The following TMEM244 variants were observed in gnomAD, a reference collection of about 807,000 sequenced individuals.
TMEM244 encodes transmembrane protein 244.
In TMEM244, 13 loss-of-function variants were observed where a neutral mutation model predicts 15.8. That is an observed-to-expected ratio of 0.82 (90% CI 0.53 to 1.30). The LOEUF is 1.30. Among genes scored for constraint, TMEM244 ranks in the 50% most tolerant of loss-of-function variants. TMEM244 has a pLI of 0.00. For missense variants in TMEM244, 161 were observed against 144.9 expected (o/e 1.11, Z -0.57); for synonymous variants, 45 against 48.7 (o/e 0.92, Z 0.32).
At chr6:129,839,357 G>A (rs899521549) in intron 3 of TMEM244, among the ~76,000 whole-genome samples, 1 of 152,080 alleles carries the variant, frequency 6.6e-6, no homozygotes, top group African/African-American at 2.4e-5. Flanking sequence ...ATGCAGAAAA[G>A]GCCTTCAACA....
At chr6:129,853,456 C>T (rs1292878730) in intron 1 of TMEM244, among the ~76,000 whole-genome samples, 1 of 149,558 alleles carries the variant, frequency 6.7e-6, no homozygotes, top group Admixed American at 6.7e-5. Context: ...CATTAAAAAG[C>T]TTCCACCTTT....
chr6:129,835,465 G>A (rs1183043950), intron 3 of TMEM244, among the ~76,000 whole-genome samples: 5 of 151,756 alleles, frequency 3.3e-5, no homozygotes, highest in Admixed American at 6.6e-5. Flanking sequence ...AACAGCTCTG[G>A]TTTGCAGCTC....
intron 3 of TMEM244, among the ~76,000 whole-genome samples, chr6:129,839,711 G>C (rs149881509): frequency 0.019 from 2,854 of 152,306 alleles, 45 homozygotes; most frequent in Non-Finnish European, 0.029. Context: ...TCCTTAAGCT[G>C]ATAAGCAACT....
intron 1 of TMEM244, among the ~76,000 whole-genome samples, chr6:129,846,582 GAAC>G (rs1776563571): frequency 6.6e-6 from 1 of 151,960 alleles, no homozygotes; most frequent in Admixed American, 6.6e-5. Context: ...CCATTCACTG[GAAC>G]AAACTTCCTA....
chr6:129,849,829 TG>T (rs1385029726), intron 1 of TMEM244, among the ~76,000 whole-genome samples: 2 of 152,016 alleles, frequency 1.3e-5, no homozygotes, highest in African/African-American at 4.8e-5. Flanking sequence ...CAGAGTGCTA[TG>T]TAAGCCCAAG....
At chr6:129,847,962 C>T (rs1374685231) in intron 1 of TMEM244, among the ~76,000 whole-genome samples, 8 of 151,736 alleles carry the variant, frequency 5.3e-5, no homozygotes, top group East Asian at 1.9e-4. Context: ...TTAGTAGAGT[C>T]GGGGTTTATC....
chr6:129,843,951 T>C (rs1405867141), intron 2 of TMEM244, among the ~76,000 whole-genome samples: 4 of 152,178 alleles, frequency 2.6e-5, no homozygotes, highest in African/African-American at 9.7e-5. Context: ...ACCAAACCAG[T>C]AGTTCTTCAG....
rs769214869 is a variant in TMEM244 at position 129,845,754 on chromosome 6, A to G, written c.119+13T>C. The G allele has an allele frequency of 5.1e-6, 8 of 1,579,654 alleles. No individual in the cohort carries two copies. Among genetic ancestry groups the G allele is most frequent in the South Asian group, 1.1e-5 (1 of 89,106 alleles). On this transcript the variant is annotated intron_variant, in intron 2 of 4. Transcript: ENST00000368143. ...AGCTTTTTAATTCTATTTGAAGACAATGTGCTACTTACTCAAACATCACGC... is the reference window on the plus strand; with the variant it reads ...AGCTTTTTAATTCTATTTGAAGACAGTGTGCTACTTACTCAAACATCACGC...
intron 1 of TMEM244, among the ~76,000 whole-genome samples, chr6:129,852,553 G>A (rs941009130): frequency 2.0e-5 from 3 of 152,106 alleles, no homozygotes; most frequent in South Asian, 2.1e-4. Flanking sequence ...GATGGGGCTC[G>A]CATGAAGAGA....
chr6:129,839,730 G>A (rs1408216545), intron 3 of TMEM244, among the ~76,000 whole-genome samples: 1 of 152,206 alleles, frequency 6.6e-6, no homozygotes, highest in Non-Finnish European at 1.5e-5. Context: ...CTTCAGCAAA[G>A]TCTCAGGATA....
Position 129,845,655 on chromosome 6 carries a change from TA to T in TMEM244, c.119+111del, listed in dbSNP as rs942165018. ...AAATAAAAGTAAGAAACTATGTCTT[TA>T]AAAAAATCCACATCCTCTAATCCAT... is the stretch of plus-strand genomic sequence containing the variant. On this transcript the variant is annotated intron_variant, in intron 2 of 4. Coordinates refer to ENST00000368143, the MANE Select transcript of TMEM244 (RefSeq NM_001010876.2). 6 of 848,976 alleles carry T rather than the reference TA, an allele frequency of 7.1e-6. No homozygotes were observed. In the African/African-American group the frequency reaches 8.7e-5, roughly 12 times the overall value. 52.6% of individuals were successfully genotyped at this position (848,976 alleles called of 1,614,324 possible).
At chr6:129,834,544 G>C (rs192594191) in intron 3 of TMEM244, among the ~76,000 whole-genome samples, 68 of 152,300 alleles carry the variant, frequency 4.5e-4, no homozygotes, top group Middle Eastern at 3.4e-3. Context: ...CTGTGCAGAA[G>C]TAATTTATTA....
rs760511562 is a variant in TMEM244, at chr6:129,831,273, T to C, written c.*46A>G. 1.9e-6 allele frequency: 2 copies of C among 1,064,818 alleles called. No homozygotes were observed. The highest frequency in any genetic ancestry group is 1.4e-6 in the Non-Finnish European group (1 of 698,158). The allele number at this position is 1,064,818 out of a possible 1,614,324, so 66.0% of individuals were successfully genotyped here. A position where few individuals can be genotyped will look rare whatever the true frequency, so the allele number is the denominator to read the frequency against. The stretch of plus-strand genomic sequence containing the variant: ...AAAATCTATGAGAAAATAAAATATA[T>C]TTCCACAGTTATTCTATTTAACATT... On this transcript the variant is annotated 3_prime_UTR_variant, in exon 5 of 5. Coordinates refer to ENST00000368143, the MANE Select transcript of TMEM244 (RefSeq NM_001010876.2).
intron 1 of TMEM244, among the ~76,000 whole-genome samples, chr6:129,857,962 C>T (rs1014435568): frequency 3.3e-5 from 5 of 151,700 alleles, no homozygotes; most frequent in South Asian, 2.1e-4. Flanking sequence ...GCAGTTTTAG[C>T]GTCTATGAAG....
rs147343248 is a variant in TMEM244, at chr6:129,847,244, A to G, written c.34-1392T>C. ...CCTTTTCAAAGATATCCTTATGACT[A>G]TAATAAAGGTCCCAGCATTTCACAT... is the stretch of plus-strand genomic sequence containing the variant. On this transcript the variant is annotated intron_variant, in intron 1 of 4. Transcript: ENST00000368143. Among the ~76,000 whole-genome samples the G allele has an allele frequency of 2.0e-5, 3 of 152,334 alleles. No individual in the cohort carries two copies. In the East Asian group the frequency reaches 5.8e-4, roughly 29 times the overall value.
chr6:129,836,653 A>T (rs1205901302), intron 3 of TMEM244, among the ~76,000 whole-genome samples: 2 of 152,178 alleles, frequency 1.3e-5, no homozygotes, highest in Non-Finnish European at 2.9e-5. Context: ...CTTCTAACCC[A>T]TTGCAAGGAA....
intron 1 of TMEM244, among the ~76,000 whole-genome samples, chr6:129,858,904 T>C (rs1584194544): frequency 6.6e-6 from 1 of 151,940 alleles, no homozygotes. Context: ...AGGAATTCTC[T>C]TGCCTCAGCC....
intron 3 of TMEM244, among the ~76,000 whole-genome samples, chr6:129,834,717 T>C (rs1160437064): frequency 1.3e-5 from 2 of 152,196 alleles, no homozygotes; most frequent in Non-Finnish European, 2.9e-5. Flanking sequence ...TCCTTTTCTA[T>C]TGCACAGGAA....
chr6:129,843,074 T>G (rs1178783408), intron 3 of TMEM244, among the ~76,000 whole-genome samples: 2 of 152,248 alleles, frequency 1.3e-5, no homozygotes, highest in East Asian at 3.9e-4. Context: ...AGATGGGAGA[T>G]AACAGTTTGT....
Sources: gnomAD v4.1 joint callset for allele counts (sites outside exome capture counted in the v4.1 genomes callset) on GRCh38, gnomAD v4.1.1 for gene constraint, MANE v1.5 for transcripts, NCBI Gene and HGNC (gene_info 2026-07-23, HGNC 2026-07-21) for gene names.